Variants in GBE1 observed in about 807,000 individuals in gnomAD.
The protein encoded by GBE1 is 1,4-alpha-glucan-branching enzyme.
GBE1 carries 70 observed loss-of-function variants against 88.8 expected under a neutral mutation model. The observed-to-expected ratio is 0.79, with a 90% CI of 0.65 to 0.96. The LOEUF (loss-of-function observed/expected upper bound fraction) is 0.96. Among genes scored for constraint, GBE1 ranks in the 40% least tolerant of loss-of-function variants. The pLI is 0.00. For synonymous variants in GBE1, 284 were observed against 300.1 expected (o/e 0.95, Z 0.56); for missense variants, 872 against 871.0 (o/e 1.00, Z -0.01).
intron 14 of GBE1, among the ~76,000 whole-genome samples, chr3:81,519,271 G>A (rs1237145310): frequency 6.6e-6 from 1 of 151,482 alleles, no homozygotes; most frequent in East Asian, 1.9e-4. Context: ...TCTTGCAGTG[G>A]TTTAATGAAA....
intron 1 of GBE1, among the ~76,000 whole-genome samples, chr3:81,716,551 G>A (rs575952582): frequency 6.6e-6 from 1 of 152,004 alleles, no homozygotes; most frequent in Admixed American, 6.6e-5. Flanking sequence ...ACTGGACAAA[G>A]CCCATTTAGT....
intron 3 of GBE1, among the ~76,000 whole-genome samples, chr3:81,653,964 C>T (rs1704891624): frequency 6.6e-6 from 1 of 152,204 alleles, no homozygotes; most frequent in Admixed American, 6.5e-5. Flanking sequence ...CATACATCTG[C>T]AGAGTGTGCT....
rs1020521050 is a variant in GBE1, at chr3:81,641,898, T to C, written c.992+883A>G. Among the ~76,000 whole-genome samples the C allele has an allele frequency of 5.3e-5, 8 of 149,574 alleles. No homozygotes were observed. The East Asian group carries it at 5.8e-4, about 11-fold the overall frequency. On this transcript the variant is annotated intron_variant, in intron 7 of 15. Transcript: ENST00000429644. ...TTCATTAATTTTTTTCAAAAATACATACACATATATAAAATATATATAATA... is the reference window on the plus strand; with the variant it reads ...TTCATTAATTTTTTTCAAAAATACACACACATATATAAAATATATATAATA...
chr3:81,750,649 ATATATATATG>A (rs1451956934), intron 1 of GBE1, among the ~76,000 whole-genome samples: 9,635 of 80,588 alleles, frequency 0.12, 1,743 homozygotes, highest in East Asian at 0.37. Flanking sequence ...ATATATGTAT[ATATATATATG>A]TATATATATA....
At chr3:81,640,133 T>A (rs1371377172) in intron 7 of GBE1, among the ~76,000 whole-genome samples, 1 of 152,318 alleles carries the variant, frequency 6.6e-6, no homozygotes, top group Non-Finnish European at 1.5e-5. Flanking sequence ...ATGTCATGAC[T>A]AATTGTGATG....
chr3:81,491,071 C>T (rs1228563232), intron 15 of GBE1, among the ~76,000 whole-genome samples: 3 of 152,178 alleles, frequency 2.0e-5, no homozygotes, highest in Non-Finnish European at 4.4e-5. Context: ...ACCCACTACA[C>T]TCCAGCCGCA....
At chr3:81,563,409 G>C (rs1388407059) in intron 12 of GBE1, among the ~76,000 whole-genome samples, 2 of 152,108 alleles carry the variant, frequency 1.3e-5, no homozygotes, top group Non-Finnish European at 2.9e-5. Flanking sequence ...TGTCAGGAAA[G>C]GGTAGGGCTA....
At chr3:81,619,349 C>A (rs959088221) in intron 7 of GBE1, among the ~76,000 whole-genome samples, 1 of 152,016 alleles carries the variant, frequency 6.6e-6, no homozygotes, top group Non-Finnish European at 1.5e-5. Context: ...TTAGATGGAA[C>A]AAAATGGTTT....
intron 7 of GBE1, among the ~76,000 whole-genome samples, chr3:81,620,530 A>G (rs533273169): frequency 6.6e-6 from 1 of 152,310 alleles, no homozygotes; most frequent in Admixed American, 6.5e-5. Context: ...AGCACTTAGT[A>G]TATATACTTT....
intron 12 of GBE1, among the ~76,000 whole-genome samples, chr3:81,546,713 A>G (rs1703208933): frequency 6.6e-6 from 1 of 151,494 alleles, no homozygotes; most frequent in Admixed American, 6.6e-5. Flanking sequence ...GGCATGAATA[A>G]TCCACCCCTT....
intron 1 of GBE1, among the ~76,000 whole-genome samples, chr3:81,737,405 T>TATAAA (rs1575771900): frequency 2.4e-4 from 8 of 32,722 alleles, no homozygotes; most frequent in East Asian, 3.4e-3. Flanking sequence ...AAATATATTT[T>TATAAA]TATATATTTA....
chr3:81,647,223 G>C (rs1256759754), intron 5 of GBE1, among the ~76,000 whole-genome samples: 2 of 152,218 alleles, frequency 1.3e-5, no homozygotes, highest in South Asian at 2.1e-4. Flanking sequence ...CTCCCAAAGT[G>C]CTGGGATTAC....
intron 14 of GBE1, among the ~76,000 whole-genome samples, chr3:81,512,409 T>G (rs1323649952): frequency 6.6e-6 from 1 of 151,898 alleles, no homozygotes; most frequent in Non-Finnish European, 1.5e-5. Context: ...TACATACAGC[T>G]GGAAAAAATT....
chr3:81,582,230 G>A, intron 10 of GBE1, among the ~76,000 whole-genome samples: 1 of 152,032 alleles, frequency 6.6e-6, no homozygotes, highest in Admixed American at 6.6e-5. Flanking sequence ...AGGCAGAAGA[G>A]CAACCATCCA....
intron 1 of GBE1, among the ~76,000 whole-genome samples, chr3:81,721,243 GAA>G (rs1411695091): frequency 1.7e-5 from 1 of 58,064 alleles, no homozygotes; most frequent in Non-Finnish European, 3.0e-5. Flanking sequence ...AAAAACACAT[GAA>G]AAAAAAAAAA....
chr3:81,585,055 G>C lies in GBE1; in HGVS notation c.1335+1037C>G, dbSNP rs558315620. 7.9e-5 allele frequency among the ~76,000 whole-genome samples: 12 copies of C among 151,994 alleles called. No homozygotes were observed. In the South Asian group the frequency reaches 1.0e-3, roughly 13 times the overall value. ...TTTAAAGTAACAAATACAAGGCTAC[G>C]TTCCCATGTATTAAAGGAGAATATT... On this transcript the variant is annotated intron_variant, in intron 10 of 15. Transcript: ENST00000429644.
At chr3:81,705,309 G>T in intron 2 of GBE1, 135 bp downstream of exon 2, 1 of 631,046 alleles carries the variant, frequency 1.6e-6, no homozygotes. Flanking sequence ...TAAATTCTAA[G>T]GCTCTATCTG....
chr3:81,758,183 A>G (rs1164133083), intron 1 of GBE1, among the ~76,000 whole-genome samples: 1 of 152,208 alleles, frequency 6.6e-6, no homozygotes, highest in African/African-American at 2.4e-5. Flanking sequence ...TTCATCTGCA[A>G]AACAGGAAAA....
chr3:81,605,940 C>T (rs1704096704), intron 7 of GBE1, among the ~76,000 whole-genome samples: 1 of 152,176 alleles, frequency 6.6e-6, no homozygotes, highest in South Asian at 2.1e-4. Context: ...TAGTATGTAA[C>T]ATTCATATGC....
Sources: gnomAD v4.1 joint callset for allele counts (sites outside exome capture counted in the v4.1 genomes callset) on GRCh38, gnomAD v4.1.1 for gene constraint, MANE v1.5 for transcripts, NCBI Gene and HGNC (gene_info 2026-07-23, HGNC 2026-07-21) for gene names.